The following CDH7 variants were observed in gnomAD, a reference collection of about 807,000 sequenced individuals.
The protein encoded by CDH7 is cadherin 7, also known as cadherin-7.
In CDH7, 25 loss-of-function variants were observed where a neutral mutation model predicts 71.8. That is an observed-to-expected ratio of 0.35 (90% CI 0.25 to 0.49). The LOEUF is 0.49. Among genes scored for constraint, CDH7 ranks in the 20% least tolerant of loss-of-function variants. The probability of loss-of-function intolerance (pLI) is 0.99; values close to 1 mark genes in which losing one functional copy is unlikely to be tolerated. For missense variants in CDH7, 862 were observed against 974.6 expected (o/e 0.88, Z 1.54); for synonymous variants, 381 against 363.8 (o/e 1.05, Z -0.54).
At chr18:65,796,921 C>T (rs141748362) in intron 2 of CDH7, among the ~76,000 whole-genome samples, 1 of 152,184 alleles carries the variant, frequency 6.6e-6, no homozygotes, top group Non-Finnish European at 1.5e-5. Flanking sequence ...ATAAATGTAG[C>T]CGTTAAGAAA....
intron 6 of CDH7, among the ~76,000 whole-genome samples, chr18:65,830,729 T>TCTC (rs1912319051): frequency 2.0e-5 from 3 of 147,558 alleles, no homozygotes; most frequent in African/African-American, 7.4e-5. Flanking sequence ...CTCTCTCTCT[T>TCTC]TCTTTCTTTC....
At chr18:65,763,198 G>A (rs998331462) in intron 2 of CDH7, 146 bp downstream of exon 2, 1 of 478,654 alleles carries the variant, frequency 2.1e-6, no homozygotes, top group Admixed American at 4.0e-5. Flanking sequence ...AGTTTATGAA[G>A]GTTTTTGGCG....
At chr18:65,832,608 A>G (rs535179450) in intron 6 of CDH7, among the ~76,000 whole-genome samples, 1 of 152,174 alleles carries the variant, frequency 6.6e-6, no homozygotes, top group African/African-American at 2.4e-5. Flanking sequence ...AGTTAAAGCA[A>G]TGCAAATGCT....
chr18:65,874,052 T>G (rs1219274865), intron 11 of CDH7, among the ~76,000 whole-genome samples: 1 of 152,222 alleles, frequency 6.6e-6, no homozygotes, highest in Non-Finnish European at 1.5e-5. Context: ...CTTACTATCA[T>G]GTATTATTCT....
At chr18:65,830,797 T>C (rs902344453) in intron 6 of CDH7, among the ~76,000 whole-genome samples, 1 of 150,910 alleles carries the variant, frequency 6.6e-6, no homozygotes, top group African/African-American at 2.4e-5. Context: ...CTTGAGGTCA[T>C]TTTAAGTTTT....
intron 2 of CDH7, among the ~76,000 whole-genome samples, chr18:65,778,117 CA>C (rs1383256042): frequency 6.6e-6 from 1 of 151,642 alleles, no homozygotes; most frequent in African/African-American, 2.4e-5. Flanking sequence ...ACTAAAAATA[CA>C]AAAATTAGCT....
chr18:65,887,769 A>G lies in CDH7; in HGVS notation c.*6875A>G, dbSNP rs940801291. On this transcript the variant is annotated 3_prime_UTR_variant, in exon 12 of 12. Transcript: ENST00000397968. Reference sequence around the variant, plus strand: ...TTAAATTATATGAGCATACTGAGGGAGAATTGCACATTTGTAAAGTTTCTC... The same window carrying G: ...TTAAATTATATGAGCATACTGAGGGGGAATTGCACATTTGTAAAGTTTCTC... The G allele has an allele frequency of 3.3e-5, 5 of 152,148 alleles. No homozygotes were observed. Among genetic ancestry groups the G allele is most frequent in the Non-Finnish European group, 7.3e-5 (5 of 68,028 alleles). 9.4% of individuals were successfully genotyped at this position (152,148 alleles called of 1,614,324 possible).
At chr18:65,786,456 G>A (rs1321388524) in intron 2 of CDH7, among the ~76,000 whole-genome samples, 1 of 152,056 alleles carries the variant, frequency 6.6e-6, no homozygotes, top group African/African-American at 2.4e-5. Context: ...CAAGTGTGAG[G>A]CTCTAAATCT....
chr18:65,820,447 CAT>C (rs539717551), intron 4 of CDH7, among the ~76,000 whole-genome samples: 157 of 152,104 alleles, frequency 1.0e-3, no homozygotes, highest in African/African-American at 3.1e-3. Context: ...TTATATAATA[CAT>C]GACAAAACAC....
At chr18:65,806,956 A>G (rs1911349158) in intron 2 of CDH7, among the ~76,000 whole-genome samples, 2 of 152,188 alleles carry the variant, frequency 1.3e-5, no homozygotes. Context: ...GTAACTTTGC[A>G]AAGACACTGA....
rs753289706 is a variant in CDH7 at position 65,859,068 on chromosome 18, T to C, written c.1494+22T>C. 1.6e-5 allele frequency: 25 copies of C among 1,606,420 alleles called. No individual in the cohort carries two copies. The South Asian group carries it at 2.1e-4, about 14-fold the overall frequency. Reference sequence around the variant, plus strand: ...GCAGGTAAGAGTCTTCAGAACACTTTGCTTCTAATTTGTGGTTTCTTAAAA... The same window carrying C: ...GCAGGTAAGAGTCTTCAGAACACTTCGCTTCTAATTTGTGGTTTCTTAAAA... On this transcript the variant is annotated intron_variant, in intron 9 of 11. Transcript: ENST00000397968.
At chr18:65,840,300 A>T (rs1263388184) in intron 6 of CDH7, among the ~76,000 whole-genome samples, 1 of 152,204 alleles carries the variant, frequency 6.6e-6, no homozygotes, top group East Asian at 1.9e-4. Context: ...TGTATGAAAA[A>T]GTATCTGCTA....
chr18:65,782,055 TTC>T (rs1568182284), intron 2 of CDH7, among the ~76,000 whole-genome samples: 3 of 62,662 alleles, frequency 4.8e-5, no homozygotes, highest in African/African-American at 1.5e-4. Flanking sequence ...CCTTCCTTCC[TTC>T]CTTCCTTTCT....
At chr18:65,822,847 G>A (rs1911984936) in intron 5 of CDH7, among the ~76,000 whole-genome samples, 1 of 151,662 alleles carries the variant, frequency 6.6e-6, no homozygotes, top group South Asian at 2.1e-4. Context: ...TTGACCAAAG[G>A]GGCTTTTAAC....
intron 2 of CDH7, among the ~76,000 whole-genome samples, chr18:65,800,513 G>A (rs747801265): frequency 6.6e-6 from 1 of 152,066 alleles, no homozygotes; most frequent in Non-Finnish European, 1.5e-5. Flanking sequence ...TAGATTTCTG[G>A]TCCCAAATCA....
At chr18:65,778,549 T>TTTTTTTTTTAA (rs1267851629) in intron 2 of CDH7, among the ~76,000 whole-genome samples, 1 of 146,802 alleles carries the variant, frequency 6.8e-6, no homozygotes, top group African/African-American at 2.6e-5. Flanking sequence ...TTTTTTTTTT[T>TTTTTTTTTTAA]ACATAAAAAT....
At chr18:65,806,632 A>C (rs1034914545) in intron 2 of CDH7, among the ~76,000 whole-genome samples, 2 of 151,842 alleles carry the variant, frequency 1.3e-5, no homozygotes, top group African/African-American at 4.8e-5. Flanking sequence ...TCAGGTTGTA[A>C]TAGTTATTCT....
rs1915861910 is a variant in CDH7, at chr18:65,751,130, G to C, written c.-217G>C. On this transcript the variant is annotated 5_prime_UTR_variant, in exon 1 of 12. Coordinates refer to ENST00000397968, the MANE Select transcript of CDH7 (RefSeq NM_004361.5). ...CGGGTCCCTGGCGTCTGACGCCGTG[G>C]GGAGGGCAGCGAGGCCCCAGGTGAG... 6.6e-6 allele frequency: 1 copy of C among 152,360 alleles called. No individual in the cohort carries two copies. The allele number at this position is 152,360 out of a possible 1,614,324, so 9.4% of individuals were successfully genotyped here. A position where few individuals can be genotyped will look rare whatever the true frequency, so the allele number is the denominator to read the frequency against.
intron 2 of CDH7, among the ~76,000 whole-genome samples, chr18:65,791,883 G>T (rs529153559): frequency 4.7e-4 from 71 of 152,186 alleles, no homozygotes; most frequent in African/African-American, 1.7e-3. Context: ...TAATGGTTGT[G>T]TGTATTCTCC....
Sources: gnomAD v4.1 joint callset for allele counts (sites outside exome capture counted in the v4.1 genomes callset) on GRCh38, gnomAD v4.1.1 for gene constraint, MANE v1.5 for transcripts, NCBI Gene and HGNC (gene_info 2026-07-23, HGNC 2026-07-21) for gene names.